The following KLF12 variants were observed in gnomAD, a reference collection of about 807,000 sequenced individuals.
The protein encoded by KLF12 is KLF transcription factor 12, also known as Krueppel-like factor 12.
In KLF12, 9 loss-of-function variants were observed where a neutral mutation model predicts 37.8. The ratio of observed to expected loss-of-function variants is 0.24; its 90% CI spans 0.14 to 0.42. The LOEUF (loss-of-function observed/expected upper bound fraction) is 0.42. Among genes scored for constraint, KLF12 ranks in the 10% least tolerant of loss-of-function variants. The pLI, the probability that KLF12 is intolerant of heterozygous loss-of-function variation, is 1.00. For synonymous variants in KLF12, 208 were observed against 202.1 expected, an observed-to-expected ratio of 1.03 and a Z score of -0.25; for missense variants, 411 against 516.0, an observed-to-expected ratio of 0.80 and a Z score of 1.97.
intron 2 of KLF12, among the ~76,000 whole-genome samples, chr13:73,967,565 G>A (rs190688474): frequency 2.0e-5 from 3 of 152,166 alleles, no homozygotes; most frequent in Non-Finnish European, 4.4e-5. Flanking sequence ...CCCTTAAGGT[G>A]TATTATTCTT....
chr13:73,831,191 C>G (rs994286366), intron 4 of KLF12, among the ~76,000 whole-genome samples: 1 of 152,096 alleles, frequency 6.6e-6, no homozygotes, highest in African/African-American at 2.4e-5. Flanking sequence ...CTTTTTAAAG[C>G]ATCAAGCCTA....
At chr13:73,754,823 T>C (rs1452827096) in intron 6 of KLF12, among the ~76,000 whole-genome samples, 1 of 152,188 alleles carries the variant, frequency 6.6e-6, no homozygotes, top group Non-Finnish European at 1.5e-5. Flanking sequence ...AGTTTAGGAT[T>C]ACATTACATC....
At chr13:73,950,060 T>C (rs1190895405) in intron 2 of KLF12, among the ~76,000 whole-genome samples, 2 of 152,182 alleles carry the variant, frequency 1.3e-5, no homozygotes, top group African/African-American at 4.8e-5. Context: ...TGGAACAGTA[T>C]CTCTCCTAAA....
chr13:73,845,550 G>A (rs1010900196), intron 4 of KLF12, among the ~76,000 whole-genome samples: 1 of 152,164 alleles, frequency 6.6e-6, no homozygotes, highest in East Asian at 1.9e-4. Flanking sequence ...TTCAAAGCAA[G>A]TATTATTTTG....
chr13:73,823,243 G>A (rs1379428136), intron 4 of KLF12, among the ~76,000 whole-genome samples: 1 of 151,336 alleles, frequency 6.6e-6, no homozygotes, highest in Non-Finnish European at 1.5e-5. Context: ...CACAGCCCTA[G>A]TCTTAGGTAC....
intron 2 of KLF12, among the ~76,000 whole-genome samples, chr13:73,975,548 G>C (rs924540255): frequency 6.6e-6 from 1 of 151,982 alleles, no homozygotes; most frequent in Non-Finnish European, 1.5e-5. Context: ...TTTATTTCTC[G>C]ATCCAGTGCT....
the KLF12 span, among the ~76,000 whole-genome samples, chr13:74,278,081 T>C: frequency 1.3e-5 from 2 of 152,212 alleles, no homozygotes; most frequent in Non-Finnish European, 2.9e-5. Context: ...GTGTTTAATC[T>C]GGACGTGTTC....
chr13:74,039,511 CACA>C (rs1370741415), intron 1 of KLF12, among the ~76,000 whole-genome samples: 2 of 152,012 alleles, frequency 1.3e-5, no homozygotes, highest in South Asian at 2.1e-4. Flanking sequence ...GCCTGGGCAA[CACA>C]ACGAGACCCC....
At chr13:73,922,809 T>C (rs985703206) in intron 3 of KLF12, among the ~76,000 whole-genome samples, 1 of 152,182 alleles carries the variant, frequency 6.6e-6, no homozygotes, top group South Asian at 2.1e-4. Flanking sequence ...TCTTTTCAGA[T>C]AATCAGAAAA....
At chr13:74,091,626 A>G (rs1250363295) in intron 1 of KLF12, among the ~76,000 whole-genome samples, 1 of 152,184 alleles carries the variant, frequency 6.6e-6, no homozygotes, top group African/African-American at 2.4e-5. Context: ...TTATGACTAT[A>G]AATGTAAAAG....
chr13:74,090,613 A>T (rs1411168859), intron 1 of KLF12, among the ~76,000 whole-genome samples: 1 of 152,046 alleles, frequency 6.6e-6, no homozygotes, highest in African/African-American at 2.4e-5. Flanking sequence ...ATGATGAACA[A>T]TTTTCCATGT....
chr13:73,761,649 C>T (rs1163129232), intron 6 of KLF12, among the ~76,000 whole-genome samples: 1 of 152,108 alleles, frequency 6.6e-6, no homozygotes, highest in Admixed American at 6.6e-5. Context: ...CTCTAACCAC[C>T]CCTCTGGGTT....
intron 5 of KLF12, among the ~76,000 whole-genome samples, chr13:73,773,839 T>C (rs113842490): frequency 1.7e-3 from 253 of 152,254 alleles, no homozygotes; most frequent in African/African-American, 5.7e-3. Flanking sequence ...TCAGTGTCTG[T>C]GCATATGCTG....
At chr13:74,126,816 G>A (rs1877968043) in intron 1 of KLF12, among the ~76,000 whole-genome samples, 1 of 152,152 alleles carries the variant, frequency 6.6e-6, no homozygotes, top group Non-Finnish European at 1.5e-5. Flanking sequence ...GAGGTGACAC[G>A]TATAGTATTC....
intron 1 of KLF12, among the ~76,000 whole-genome samples, chr13:74,059,779 T>G (rs562906724): frequency 6.6e-6 from 1 of 152,244 alleles, no homozygotes; most frequent in Non-Finnish European, 1.5e-5. Flanking sequence ...GCTTTTTAAC[T>G]TAAGTTCCAT....
intron 3 of KLF12, among the ~76,000 whole-genome samples, chr13:73,848,269 T>G (rs191663440): frequency 6.6e-6 from 1 of 152,204 alleles, no homozygotes. Context: ...TGTTCTATAA[T>G]GTAAATGAAA....
chr13:74,163,258 T>C, the KLF12 span, among the ~76,000 whole-genome samples: 1 of 152,270 alleles, frequency 6.6e-6, no homozygotes, highest in African/African-American at 2.4e-5. Flanking sequence ...AGAAAATCAG[T>C]ATATCAAAGA....
chr13:73,888,936 C>T lies in KLF12; in HGVS notation c.124-42563G>A, dbSNP rs139497979. ...AAAGTATGGTCAACAACTGAAATAGCAATAAAAATGCTAGAACTGTGTTCC... is the reference window on the plus strand; with the variant it reads ...AAAGTATGGTCAACAACTGAAATAGTAATAAAAATGCTAGAACTGTGTTCC... On this transcript the variant is annotated intron_variant, in intron 3 of 7. Transcript: ENST00000377669. Among the ~76,000 whole-genome samples the T allele has an allele frequency of 7.2e-3, 1,095 of 152,260 alleles. 8 individuals carry two copies. The highest frequency in any genetic ancestry group is 0.011 in the African/African-American group (467 of 41,564).
At chr13:73,880,670 T>C (rs188683873) in intron 3 of KLF12, among the ~76,000 whole-genome samples, 28 of 152,258 alleles carry the variant, frequency 1.8e-4, no homozygotes, top group African/African-American at 6.7e-4. Flanking sequence ...CTAGAATAAA[T>C]AGGCTTTTAA....
Sources: gnomAD v4.1 joint callset for allele counts (sites outside exome capture counted in the v4.1 genomes callset) on GRCh38, gnomAD v4.1.1 for gene constraint, MANE v1.5 for transcripts, NCBI Gene and HGNC (gene_info 2026-07-23, HGNC 2026-07-21) for gene names.